PCDHA9: variants seen among roughly 807,000 people sequenced by gnomAD.
The protein encoded by PCDHA9 is protocadherin alpha 9, also known as protocadherin alpha-9.
In PCDHA9, 62 loss-of-function variants were observed where a neutral mutation model predicts 62.0. That is an observed-to-expected ratio of 1.00 (90% CI 0.81 to 1.23). The LOEUF is 1.23. PCDHA9 is among the 50% of genes most tolerant of loss of function. PCDHA9 has a pLI of 0.00. For synonymous variants in PCDHA9, 557 were observed against 567.6 expected (o/e 0.98, Z 0.27); for missense variants, 1,205 against 1,249.8 (o/e 0.96, Z 0.54).
At position 140,999,690 on chromosome 5, in the gene PCDHA9, G is replaced by A. The variant is rs113599808; in HGVS notation, c.2543-9937G>A. Among the ~76,000 whole-genome samples the A allele has an allele frequency of 6.4e-3, 977 of 152,230 alleles. 14 individuals are homozygous for A. Among genetic ancestry groups the A allele is most frequent in the African/African-American group, 0.023 (950 of 41,554 alleles). Reference sequence around the variant, plus strand: ...CGGGGGGCTCACAGAAAGAAGAAATGTGATTTTTTTTTAGCTAACTACGGA... The same window carrying A: ...CGGGGGGCTCACAGAAAGAAGAAATATGATTTTTTTTTAGCTAACTACGGA... On this transcript the variant is annotated intron_variant, in intron 3 of 3. Coordinates refer to ENST00000532602, the MANE Select transcript of PCDHA9 (RefSeq NM_031857.2).
At chr5:140,974,721 G>T (rs1033117636) in intron 1 of PCDHA9, among the ~76,000 whole-genome samples, 1 of 152,050 alleles carries the variant, frequency 6.6e-6, no homozygotes, top group Non-Finnish European at 1.5e-5. Context: ...AGCTGCTCTC[G>T]AACTCCTGTC....
chr5:140,892,952 AT>A (rs1327610333), intron 1 of PCDHA9, among the ~76,000 whole-genome samples: 1 of 152,154 alleles, frequency 6.6e-6, no homozygotes, highest in African/African-American at 2.4e-5. Context: ...TACTACTTCC[AT>A]GAGCTCAATA....
At chr5:140,907,416 T>C (rs1209334366) in intron 1 of PCDHA9, among the ~76,000 whole-genome samples, 1 of 152,206 alleles carries the variant, frequency 6.6e-6, no homozygotes, top group East Asian at 1.9e-4. Flanking sequence ...ACCACGATGG[T>C]GGATAAGGCA....
In PCDHA9 at chr5:140,876,964, C is replaced by T. The variant is rs781890307; in HGVS notation, c.2394+26075C>T. ...GGTGTCCTACTCGCTGGTGGAGCGG[C>T]GGGTGGGCGAGCACGCACTGTCGAG... On this transcript the variant is annotated intron_variant, in intron 1 of 3. Coordinates refer to ENST00000532602, the MANE Select transcript of PCDHA9 (RefSeq NM_031857.2). 2.5e-6 allele frequency: 4 copies of T among 1,613,060 alleles called. No individual in the cohort carries two copies. The highest frequency in any genetic ancestry group is 3.4e-6 in the Non-Finnish European group (4 of 1,179,806).
Position 140,943,173 on chromosome 5 carries a change from G to A in PCDHA9, c.2395-35776G>A, listed in dbSNP as rs143950290. On this transcript the variant is annotated intron_variant, in intron 1 of 3. Coordinates refer to ENST00000532602, the MANE Select transcript of PCDHA9 (RefSeq NM_031857.2). ...CTCTGGAGGCTGAGGCAGGAAAATC[G>A]CTTGAACCCTGGAGGTGGAGGCTGC... is the stretch of plus-strand genomic sequence containing the variant. Among the ~76,000 whole-genome samples the A allele has an allele frequency of 5.6e-3, 834 of 148,712 alleles. 7 individuals are homozygous for A. Among genetic ancestry groups the A allele is most frequent in the African/African-American group, 0.019 (751 of 40,052 alleles).
chr5:140,887,018 G>C (rs965813784), intron 1 of PCDHA9, among the ~76,000 whole-genome samples: 70 of 151,906 alleles, frequency 4.6e-4, no homozygotes, highest in African/African-American at 1.6e-3. Context: ...CCTACTGCCT[G>C]AAAAATTTCT....
intron 1 of PCDHA9, among the ~76,000 whole-genome samples, chr5:140,946,597 T>A (rs952488909): frequency 1.5e-5 from 2 of 137,412 alleles, no homozygotes; most frequent in Admixed American, 7.5e-5. Context: ...GATGAATAGA[T>A]AAAGAAAATG....
chr5:140,939,967 C>T (rs527732118), intron 1 of PCDHA9, among the ~76,000 whole-genome samples: 8 of 152,210 alleles, frequency 5.3e-5, no homozygotes, highest in African/African-American at 1.7e-4. Context: ...AAGTGTTCCA[C>T]GATGAATAGT....
At chr5:140,911,845 A>G (rs1184698013) in intron 1 of PCDHA9, among the ~76,000 whole-genome samples, 2 of 152,216 alleles carry the variant, frequency 1.3e-5, no homozygotes, top group Non-Finnish European at 2.9e-5. Context: ...AAAGAACTCC[A>G]TCCTTAATAG....
rs1305533270 is a variant in PCDHA9, at chr5:141,000,401, A to C, written c.2543-9226A>C. Among the ~76,000 whole-genome samples the C allele has an allele frequency of 8.1e-3, 613 of 75,996 alleles. 4 individuals are homozygous for C. The highest frequency in any genetic ancestry group is 0.017 in the East Asian group (44 of 2,548). The allele number at this position is 75,996 out of a possible 152,430, so 49.9% of individuals were successfully genotyped here. A position where few individuals can be genotyped will look rare whatever the true frequency, so the allele number is the denominator to read the frequency against. On this transcript the variant is annotated intron_variant, in intron 3 of 3. Transcript: ENST00000532602. Reference sequence around the variant, plus strand: ...TCTCTCTCTCTCTCTCTCTCTATATATATATATATATATATATATATTTTT... The same window carrying C: ...TCTCTCTCTCTCTCTCTCTCTATATCTATATATATATATATATATATTTTT...
At chr5:140,994,704 C>CA (rs1294993555) in intron 3 of PCDHA9, among the ~76,000 whole-genome samples, 3 of 150,616 alleles carry the variant, frequency 2.0e-5, no homozygotes, top group African/African-American at 4.9e-5. Flanking sequence ...GACCCTGTCT[C>CA]AAAAAAAAAT....
chr5:140,882,143 C>A, intron 1 of PCDHA9: 2 of 1,494,048 alleles, frequency 1.3e-6, no homozygotes, highest in Admixed American at 2.3e-5. Context: ...GAAAATATAG[C>A]AGAAAGCGGA....
intron 1 of PCDHA9, among the ~76,000 whole-genome samples, chr5:140,919,430 T>C (rs935963449): frequency 1.3e-5 from 2 of 152,196 alleles, no homozygotes; most frequent in Non-Finnish European, 2.9e-5. Flanking sequence ...TGCCTTTTGA[T>C]TGGGTTCTTT....
intron 1 of PCDHA9, chr5:140,871,155 C>A (rs782509939): frequency 3.0e-5 from 48 of 1,613,366 alleles, no homozygotes; most frequent in Non-Finnish European, 3.9e-5. Context: ...CTTTGGCGGG[C>A]GCCGCGAGCC....
chr5:140,850,493 G>T lies in PCDHA9; in HGVS notation c.1998G>T (p.Leu666=). ...CGCTGACGGCCACGGCCACTGTGCT[G>T]GTGTCGCTGGTGGAGAGCGGCCAGG... ...EPALTATATV[L]VSLVESGQAP... The change falls in exon 1 of 4, where the codon CTG becomes CTT. Residue 666 remains leucine, a synonymous_variant. Transcript: ENST00000532602. 2.5e-6 allele frequency: 4 copies of T among 1,598,102 alleles called. No homozygotes were observed. Among genetic ancestry groups the T allele is most frequent in the African/African-American group, 1.3e-5 (1 of 74,492 alleles).
chr5:140,974,975 T>A (rs782637911), intron 1 of PCDHA9, among the ~76,000 whole-genome samples: 1 of 152,222 alleles, frequency 6.6e-6, no homozygotes, highest in African/African-American at 2.4e-5. Context: ...GTGGCTGAGT[T>A]GTCCGCTCAG....
intron 1 of PCDHA9, chr5:140,967,282 G>A (rs1463734502): frequency 1.1e-5 from 17 of 1,612,960 alleles, no homozygotes; most frequent in Non-Finnish European, 1.4e-5. Context: ...TAGAGAGTGC[G>A]CAGGACCCCG....
intron 1 of PCDHA9, chr5:140,967,902 C>T: frequency 6.2e-7 from 1 of 1,614,192 alleles, no homozygotes; most frequent in East Asian, 2.2e-5. Flanking sequence ...GAGAATGCTA[C>T]ACCCAACACC....
chr5:140,933,734 T>C (rs1355766834), intron 1 of PCDHA9, among the ~76,000 whole-genome samples: 2 of 152,062 alleles, frequency 1.3e-5, no homozygotes, highest in Admixed American at 6.5e-5. Flanking sequence ...CTTTCTTAAA[T>C]ATTTGGTAGA....
Sources: allele counts gnomAD v4.1 joint callset (sites outside exome capture counted in the v4.1 genomes callset), GRCh38; gene constraint gnomAD v4.1.1; transcripts MANE v1.5; gene names NCBI Gene and HGNC (gene_info 2026-07-23, HGNC 2026-07-21).